CACNA2D3: variants seen among roughly 807,000 people sequenced by gnomAD.
CACNA2D3 encodes the protein calcium voltage-gated channel auxiliary subunit alpha2delta 3, also known as voltage-dependent calcium channel subunit alpha-2/delta-3.
A neutral mutation model predicts 160.6 loss-of-function variants in CACNA2D3; 60 were observed. The ratio of observed to expected loss-of-function variants is 0.37; its 90% CI spans 0.30 to 0.46. The LOEUF (loss-of-function observed/expected upper bound fraction) is 0.46, where lower values mean the gene tolerates loss of function less well. Ranked by LOEUF, CACNA2D3 falls within the 20% of genes least tolerant of loss-of-function variation. CACNA2D3 has a pLI of 1.00. For synonymous variants in CACNA2D3, 558 were observed against 492.9 expected, an observed-to-expected ratio of 1.13 and a Z score of -1.75; for missense variants, 1,205 against 1,365.0, an observed-to-expected ratio of 0.88 and a Z score of 1.85.
intron 3 of CACNA2D3, among the ~76,000 whole-genome samples, chr3:54,329,580 ATGT>A (rs1027166011): frequency 2.0e-5 from 3 of 152,238 alleles, no homozygotes; most frequent in Admixed American, 6.5e-5. Flanking sequence ...TCAGAGTATT[ATGT>A]TGTTGTTGTT....
chr3:54,268,015 A>C (rs558577962), intron 2 of CACNA2D3, among the ~76,000 whole-genome samples: 1 of 152,324 alleles, frequency 6.6e-6, no homozygotes, highest in Non-Finnish European at 1.5e-5. Context: ...AAAAATAAAG[A>C]AGGGAAAGCA....
At chr3:54,174,677 A>G (rs1700640060) in intron 2 of CACNA2D3, among the ~76,000 whole-genome samples, 2 of 152,116 alleles carry the variant, frequency 1.3e-5, no homozygotes, top group African/African-American at 4.8e-5. Context: ...GGCGCCCGCC[A>G]CCACGCCTGG....
intron 4 of CACNA2D3, among the ~76,000 whole-genome samples, chr3:54,475,836 T>TGTGTGTGTGTGTGTGTGTGC (rs367560891): frequency 6.6e-6 from 1 of 151,268 alleles, no homozygotes; most frequent in Admixed American, 6.6e-5. Context: ...TGTGTGTGTG[T>TGTGTGTGTGTGTGTGTGTGC]GACAGAGAGA....
At chr3:54,637,811 C>G (rs1699411817) in intron 10 of CACNA2D3, 1 of 152,006 alleles carries the variant, frequency 6.6e-6, no homozygotes, top group Admixed American at 6.5e-5. Context: ...TCCAGGAGCT[C>G]TGGGAGTGGC....
chr3:54,943,892 T>A (rs1459688416), intron 27 of CACNA2D3, among the ~76,000 whole-genome samples: 5 of 152,182 alleles, frequency 3.3e-5, no homozygotes. Flanking sequence ...TGACTTAATT[T>A]CTCATTTAGG....
At chr3:54,526,930 A>T (rs545913573) in intron 5 of CACNA2D3, among the ~76,000 whole-genome samples, 8 of 152,308 alleles carry the variant, frequency 5.3e-5, no homozygotes, top group African/African-American at 1.7e-4. Flanking sequence ...ATCTCAGGTG[A>T]TCTGCCCACC....
At chr3:54,929,424 C>T (rs1271840995) in intron 27 of CACNA2D3, among the ~76,000 whole-genome samples, 3 of 152,184 alleles carry the variant, frequency 2.0e-5, no homozygotes, top group Admixed American at 6.5e-5. Flanking sequence ...CCTGGCCCTT[C>T]GTGCCACTCT....
intron 2 of CACNA2D3, among the ~76,000 whole-genome samples, chr3:54,246,365 C>T (rs538352443): frequency 7.9e-5 from 12 of 152,258 alleles, no homozygotes; most frequent in East Asian, 3.9e-4. Context: ...CCCAGATGCT[C>T]GAACAATTTT....
At chr3:55,073,383 TC>T (rs1704861419) in intron 35 of CACNA2D3, 61 bp from the exon 36 acceptor site, 2 of 1,274,754 alleles carry the variant, frequency 1.6e-6, no homozygotes, top group African/African-American at 1.5e-5. Context: ...AGAGAAGTCT[TC>T]CTCATGGCTC....
intron 34 of CACNA2D3, among the ~76,000 whole-genome samples, chr3:55,016,598 G>C (rs1283291053): frequency 6.6e-6 from 1 of 152,196 alleles, no homozygotes; most frequent in Non-Finnish European, 1.5e-5. Flanking sequence ...AGTGCGTGCA[G>C]GCTTCACTCT....
chr3:54,678,393 T>A (rs1175375219), intron 11 of CACNA2D3, among the ~76,000 whole-genome samples: 7 of 151,994 alleles, frequency 4.6e-5, no homozygotes, highest in African/African-American at 1.7e-4. Flanking sequence ...AATCCTGAAA[T>A]TCTAACCACA....
intron 9 of CACNA2D3, among the ~76,000 whole-genome samples, chr3:54,617,713 C>G (rs1453402215): frequency 6.6e-6 from 1 of 152,204 alleles, no homozygotes; most frequent in Non-Finnish European, 1.5e-5. Context: ...AACCATAGCT[C>G]TTGCCAGTGG....
intron 4 of CACNA2D3, among the ~76,000 whole-genome samples, chr3:54,393,774 G>T (rs1474902975): frequency 6.6e-6 from 1 of 152,212 alleles, no homozygotes; most frequent in Non-Finnish European, 1.5e-5. Context: ...CCACGTCCCA[G>T]GGAAACAGGG....
intron 4 of CACNA2D3, among the ~76,000 whole-genome samples, chr3:54,431,074 C>G (rs1000582365): frequency 7.9e-5 from 12 of 152,030 alleles, no homozygotes; most frequent in African/African-American, 2.9e-4. Context: ...TGCGGTGGCT[C>G]ACGGCTGTAA....
intron 2 of CACNA2D3, among the ~76,000 whole-genome samples, chr3:54,149,710 C>T (rs1700102772): frequency 6.6e-6 from 1 of 152,116 alleles, no homozygotes; most frequent in African/African-American, 2.4e-5. Flanking sequence ...AGGGTGAGGA[C>T]AGCAAGCTCG....
intron 4 of CACNA2D3, among the ~76,000 whole-genome samples, chr3:54,399,672 C>T (rs1435911711): frequency 7.3e-5 from 2 of 27,252 alleles, no homozygotes; most frequent in South Asian, 2.0e-3. Flanking sequence ...GCAGTCTGCC[C>T]GTTCTCAGAT....
At chr3:54,991,937 A>G (rs1022684737) in intron 31 of CACNA2D3, among the ~76,000 whole-genome samples, 1 of 152,026 alleles carries the variant, frequency 6.6e-6, no homozygotes, top group Non-Finnish European at 1.5e-5. Context: ...TTATTTTCCA[A>G]TTTTCTCCTG....
intron 2 of CACNA2D3, among the ~76,000 whole-genome samples, chr3:54,195,201 CGTT>C (rs72371057): frequency 0.055 from 8,410 of 152,266 alleles, 252 homozygotes; most frequent in Middle Eastern, 0.12. Context: ...GCCGTCTGGC[CGTT>C]GTCCCAGGGC....
intron 4 of CACNA2D3, among the ~76,000 whole-genome samples, chr3:54,444,418 G>A (rs1700189748): frequency 6.6e-6 from 1 of 152,118 alleles, no homozygotes; most frequent in Admixed American, 6.6e-5. Flanking sequence ...TTCCCTGTTA[G>A]TTTAAGTTGC....
Sources: gnomAD v4.1 joint callset for allele counts (sites outside exome capture counted in the v4.1 genomes callset) on GRCh38, gnomAD v4.1.1 for gene constraint, MANE v1.5 for transcripts, NCBI Gene and HGNC (gene_info 2026-07-23, HGNC 2026-07-21) for gene names.